MSRA: variants seen among roughly 807,000 people sequenced by gnomAD.
The protein encoded by MSRA is mitochondrial peptide methionine sulfoxide reductase.
In MSRA, 54 loss-of-function variants were observed where a neutral mutation model predicts 31.3. That is an observed-to-expected ratio of 1.73 (90% CI 1.39 to 2.17). The LOEUF (loss-of-function observed/expected upper bound fraction) is 2.17, where lower values mean the gene tolerates loss of function less well. Ranked by LOEUF, MSRA falls within the 30% of genes most tolerant of loss-of-function variation. MSRA has a pLI of 0.00. For synonymous variants in MSRA, 169 were observed against 116.5 expected, an observed-to-expected ratio of 1.45 and a Z score of -2.90; for missense variants, 507 against 300.9, an observed-to-expected ratio of 1.69 and a Z score of -5.07.
intron 1 of MSRA, among the ~76,000 whole-genome samples, chr8:10,061,553 G>C (rs1241247655): frequency 6.6e-6 from 1 of 151,936 alleles, no homozygotes; most frequent in Non-Finnish European, 1.5e-5. Flanking sequence ...ATCTCCCCAC[G>C]TAGTGAGCTC....
At chr8:10,293,377 G>A (rs749281676) in intron 3 of MSRA, among the ~76,000 whole-genome samples, 5 of 152,210 alleles carry the variant, frequency 3.3e-5, no homozygotes, top group East Asian at 1.9e-4. Context: ...TGCCCTCCCC[G>A]CCCCACAAGT....
chr8:10,381,183 C>T (rs1470183324), intron 5 of MSRA, among the ~76,000 whole-genome samples: 1 of 152,194 alleles, frequency 6.6e-6, no homozygotes, highest in Non-Finnish European at 1.5e-5. Context: ...GACCCTCTAC[C>T]TAACACAGCC....
intron 5 of MSRA, among the ~76,000 whole-genome samples, chr8:10,398,013 G>A (rs1363531739): frequency 6.6e-6 from 1 of 152,190 alleles, no homozygotes; most frequent in Non-Finnish European, 1.5e-5. Flanking sequence ...TTCAGCACAA[G>A]TAAAGAAGAT....
At chr8:10,401,820 T>C (rs1018922037) in intron 5 of MSRA, among the ~76,000 whole-genome samples, 3 of 152,136 alleles carry the variant, frequency 2.0e-5, no homozygotes, top group African/African-American at 4.8e-5. Flanking sequence ...AGACAAATAC[T>C]GTATGATTCC....
intron 3 of MSRA, among the ~76,000 whole-genome samples, chr8:10,299,243 T>G (rs548861766): frequency 6.6e-6 from 1 of 152,306 alleles, no homozygotes; most frequent in South Asian, 2.1e-4. Context: ...CGTCTTTTGC[T>G]TATATTTTAG....
chr8:10,322,594 G>C (rs1276175672), intron 5 of MSRA, among the ~76,000 whole-genome samples: 1 of 152,280 alleles, frequency 6.6e-6, no homozygotes, highest in East Asian at 1.9e-4. Flanking sequence ...CCAAGGGGCT[G>C]TTTGGAGGAG....
intron 1 of MSRA, among the ~76,000 whole-genome samples, chr8:10,171,183 C>T (rs1174919974): frequency 6.6e-6 from 1 of 152,152 alleles, no homozygotes; most frequent in Non-Finnish European, 1.5e-5. Context: ...AGAAGCTGGG[C>T]CAGATGTAGT....
At chr8:10,223,706 A>G (rs2129068946) in intron 2 of MSRA, among the ~76,000 whole-genome samples, 1 of 152,334 alleles carries the variant, frequency 6.6e-6, no homozygotes, top group South Asian at 2.1e-4. Flanking sequence ...GGAAATAATG[A>G]CCATAAATTT....
intron 1 of MSRA, chr8:10,096,370 G>T: frequency 1.1e-6 from 1 of 951,828 alleles, no homozygotes; most frequent in Non-Finnish European, 1.3e-6. Context: ...CCATTTTTGG[G>T]AGGTGGGTGG....
At chr8:10,326,632 A>G (rs1045234818) in intron 5 of MSRA, 1 of 152,164 alleles carries the variant, frequency 6.6e-6, no homozygotes, top group Non-Finnish European at 1.5e-5. Flanking sequence ...AACTTTGCAT[A>G]AAATGGAGGG....
chr8:10,178,504 T>C lies in MSRA; in HGVS notation c.143-29329T>C, dbSNP rs142094824. On this transcript the variant is annotated intron_variant, in intron 1 of 5. Coordinates refer to ENST00000317173, the MANE Select transcript of MSRA (RefSeq NM_012331.5). ...AAGTAATTGAAAAAAACTGCTATCATCCATATTGCTAATTTTATAATGCGG... is the reference window on the plus strand; with the variant it reads ...AAGTAATTGAAAAAAACTGCTATCACCCATATTGCTAATTTTATAATGCGG... Among the ~76,000 whole-genome samples the C allele has an allele frequency of 8.3e-4, 127 of 152,274 alleles. 3 individuals carry two copies. The highest frequency in any genetic ancestry group is 2.6e-3 in the African/African-American group (106 of 41,562).
At chr8:10,168,087 T>C (rs993268190) in intron 1 of MSRA, among the ~76,000 whole-genome samples, 2 of 152,190 alleles carry the variant, frequency 1.3e-5, no homozygotes, top group African/African-American at 4.8e-5. Context: ...CTTTGTGTCC[T>C]TGGGCAAGTC....
At chr8:10,186,678 T>TGA (rs1040547591) in intron 1 of MSRA, among the ~76,000 whole-genome samples, 1 of 152,066 alleles carries the variant, frequency 6.6e-6, no homozygotes, top group African/African-American at 2.4e-5. Context: ...TAACTGCAGG[T>TGA]GAAAGGCTTT....
chr8:10,255,695 A>G lies in MSRA; in HGVS notation c.331+10472A>G, dbSNP rs73662810. Among the ~76,000 whole-genome samples the G allele has an allele frequency of 5.8e-3, 887 of 151,920 alleles. 12 individuals are homozygous for G. The highest frequency in any genetic ancestry group is 0.02 in the African/African-American group (808 of 41,390). The stretch of plus-strand genomic sequence containing the variant: ...TAGTTTGAAAATGCTCTGGGGAACA[A>G]TCATCTGTCTGGTTTTGAGAGTCAG... On this transcript the variant is annotated intron_variant, in intron 3 of 5. Coordinates refer to ENST00000317173, the MANE Select transcript of MSRA (RefSeq NM_012331.5).
chr8:10,162,310 A>G (rs1314368981), intron 1 of MSRA, among the ~76,000 whole-genome samples: 1 of 151,914 alleles, frequency 6.6e-6, no homozygotes, highest in Non-Finnish European at 1.5e-5. Flanking sequence ...TATAAAAGGG[A>G]CTCCAGAGAT....
At chr8:10,261,389 TAAAA>T (rs35866533) in intron 3 of MSRA, among the ~76,000 whole-genome samples, 1 of 143,088 alleles carries the variant, frequency 7.0e-6, no homozygotes, top group African/African-American at 2.6e-5. Context: ...ATCTGTTACT[TAAAA>T]AAAAAAAAAA....
At chr8:10,101,724 T>C (rs1259343922) in intron 1 of MSRA, among the ~76,000 whole-genome samples, 1 of 152,228 alleles carries the variant, frequency 6.6e-6, no homozygotes, top group Non-Finnish European at 1.5e-5. Context: ...AATTTCCTTC[T>C]TTTATGAGGC....
chr8:10,295,963 C>A (rs922582646), intron 3 of MSRA, among the ~76,000 whole-genome samples: 10 of 152,208 alleles, frequency 6.6e-5, no homozygotes, highest in Non-Finnish European at 1.5e-4. Context: ...GGATTAAACA[C>A]TTGCTCATTA....
chr8:10,090,593 G>A (rs1375289458), intron 1 of MSRA, among the ~76,000 whole-genome samples: 4 of 152,068 alleles, frequency 2.6e-5, no homozygotes, highest in East Asian at 1.9e-4. Flanking sequence ...GTGGTTTTTC[G>A]TACATTCACT....
Sources: gnomAD v4.1 joint callset for allele counts (sites outside exome capture counted in the v4.1 genomes callset) on GRCh38, gnomAD v4.1.1 for gene constraint, MANE v1.5 for transcripts, NCBI Gene and HGNC (gene_info 2026-07-23, HGNC 2026-07-21) for gene names.